LTBP1: variants seen among roughly 807,000 people sequenced by gnomAD.
The protein encoded by LTBP1 is latent transforming growth factor beta binding protein 1, also known as latent-transforming growth factor beta-binding protein 1.
LTBP1 carries 129 observed loss-of-function variants against 207.6 expected under a neutral mutation model. The observed-to-expected ratio is 0.62, with a 90% CI of 0.54 to 0.72. The LOEUF (loss-of-function observed/expected upper bound fraction) is 0.72, where lower values mean the gene tolerates loss of function less well. Among genes scored for constraint, LTBP1 ranks in the 30% least tolerant of loss-of-function variants. LTBP1 has a pLI of 0.00. For synonymous variants in LTBP1, 963 were observed against 833.7 expected (o/e 1.16, Z -2.67); for missense variants, 2,281 against 2,217.2 (o/e 1.03, Z -0.58).
intron 5 of LTBP1, among the ~76,000 whole-genome samples, chr2:33,142,562 A>G (rs1366687150): frequency 6.6e-6 from 1 of 152,088 alleles, no homozygotes; most frequent in Non-Finnish European, 1.5e-5. Context: ...AAGAAGGGCA[A>G]TAGGTTGACC....
chr2:33,369,456 G>T (rs1460721767), intron 31 of LTBP1, among the ~76,000 whole-genome samples: 1 of 152,202 alleles, frequency 6.6e-6, no homozygotes, highest in East Asian at 1.9e-4. Flanking sequence ...TTAGGCTCTT[G>T]AGGCCCCTGT....
At chr2:33,161,180 T>C (rs901407072) in intron 5 of LTBP1, among the ~76,000 whole-genome samples, 1 of 151,924 alleles carries the variant, frequency 6.6e-6, no homozygotes, top group Non-Finnish European at 1.5e-5. Flanking sequence ...ATAATAGCTA[T>C]AATACCCTGT....
At chr2:33,327,798 T>C (rs1034852754) in intron 24 of LTBP1, among the ~76,000 whole-genome samples, 1 of 152,106 alleles carries the variant, frequency 6.6e-6, no homozygotes, top group Non-Finnish European at 1.5e-5. Context: ...TGCAGCAGTG[T>C]GGATTATCTC....
intron 5 of LTBP1, among the ~76,000 whole-genome samples, chr2:33,148,255 A>G (rs1030202526): frequency 1.3e-5 from 2 of 152,236 alleles, no homozygotes; most frequent in Admixed American, 6.5e-5. Context: ...TGAGGATACC[A>G]TCTTTAATTT....
At chr2:33,372,672 G>A (rs2095083893) in intron 31 of LTBP1, among the ~76,000 whole-genome samples, 1 of 151,960 alleles carries the variant, frequency 6.6e-6, no homozygotes. Flanking sequence ...TCAGGAGTTT[G>A]AGACTGGCCT....
intron 3 of LTBP1, among the ~76,000 whole-genome samples, chr2:33,069,978 C>T (rs1393674653): frequency 6.6e-6 from 1 of 152,184 alleles, no homozygotes; most frequent in South Asian, 2.1e-4. Context: ...GATGTGACTT[C>T]ACCATTGCCC....
intron 20 of LTBP1, among the ~76,000 whole-genome samples, chr2:33,295,706 A>C (rs927501128): frequency 6.6e-6 from 1 of 151,978 alleles, no homozygotes; most frequent in East Asian, 1.9e-4. Context: ...TTACTTTTAC[A>C]TCTAAAAGTA....
At chr2:33,017,762 A>G (rs1165307005) in intron 2 of LTBP1, among the ~76,000 whole-genome samples, 9 of 152,250 alleles carry the variant, frequency 5.9e-5, no homozygotes, top group African/African-American at 2.2e-4. Context: ...GACTAAAGGC[A>G]CCCACCAGTA....
chr2:33,337,190 G>A (rs558737531), intron 24 of LTBP1, among the ~76,000 whole-genome samples: 6 of 152,276 alleles, frequency 3.9e-5, no homozygotes, highest in South Asian at 4.2e-4. Flanking sequence ...GCATGGGTTC[G>A]AGTTCTACTC....
At chr2:33,239,277 T>C (rs750665424) in intron 9 of LTBP1, among the ~76,000 whole-genome samples, 3 of 152,244 alleles carry the variant, frequency 2.0e-5, no homozygotes, top group Non-Finnish European at 4.4e-5. Context: ...ATTTCTTTCC[T>C]AGTTTCTGTT....
At chr2:33,181,023 G>A (rs1014531756) in intron 5 of LTBP1, among the ~76,000 whole-genome samples, 18 of 152,138 alleles carry the variant, frequency 1.2e-4, no homozygotes, top group African/African-American at 4.1e-4. Flanking sequence ...GGACAGATAC[G>A]GGTTTTCCTT....
At chr2:32,949,802 A>T (rs1034191696) in intron 2 of LTBP1, among the ~76,000 whole-genome samples, 2 of 152,200 alleles carry the variant, frequency 1.3e-5, no homozygotes, top group African/African-American at 4.8e-5. Context: ...ATACAGGTGG[A>T]TGAATTTTAA....
chr2:33,097,338 G>T (rs187447976), intron 3 of LTBP1, among the ~76,000 whole-genome samples: 64 of 152,150 alleles, frequency 4.2e-4, no homozygotes, highest in Non-Finnish European at 4.6e-4. Context: ...TAAAATAAAA[G>T]TCAATATGTA....
At chr2:33,052,748 G>A (rs219069) in intron 3 of LTBP1, among the ~76,000 whole-genome samples, 133,256 of 152,228 alleles carry the variant, frequency 0.88, 60,809 homozygotes, top group East Asian at 1. Flanking sequence ...TCGTTTAGTT[G>A]TAGTACCTTA....
At chr2:33,180,634 A>G (rs1427705374) in intron 5 of LTBP1, among the ~76,000 whole-genome samples, 1 of 151,764 alleles carries the variant, frequency 6.6e-6, no homozygotes, top group African/African-American at 2.4e-5. Context: ...GGGATGTTTT[A>G]AAGTAGAGAC....
At chr2:33,312,652 T>G (rs2094204890) in intron 23 of LTBP1, among the ~76,000 whole-genome samples, 1 of 152,060 alleles carries the variant, frequency 6.6e-6, no homozygotes, top group Admixed American at 6.6e-5. Flanking sequence ...GTTCCAAATA[T>G]TCATGTTGTT....
chr2:33,099,522 A>G (rs888034930), intron 3 of LTBP1, among the ~76,000 whole-genome samples: 1 of 152,192 alleles, frequency 6.6e-6, no homozygotes, highest in African/African-American at 2.4e-5. Context: ...GTGCTAGTTG[A>G]ACTCTGAAAG....
At chr2:33,181,511 G>C (rs4670849) in intron 5 of LTBP1, among the ~76,000 whole-genome samples, 2 of 151,934 alleles carry the variant, frequency 1.3e-5, no homozygotes, top group Non-Finnish European at 2.9e-5. Flanking sequence ...CAGTTGTACC[G>C]TGAGATACTT....
At chr2:33,158,866 T>A (rs536768115) in intron 5 of LTBP1, among the ~76,000 whole-genome samples, 7 of 152,222 alleles carry the variant, frequency 4.6e-5, no homozygotes, top group Non-Finnish European at 7.3e-5. Flanking sequence ...GTAGCTGTGA[T>A]GACAAAAAAG....
Sources: gnomAD v4.1 joint callset for allele counts (sites outside exome capture counted in the v4.1 genomes callset) on GRCh38, gnomAD v4.1.1 for gene constraint, MANE v1.5 for transcripts, NCBI Gene and HGNC (gene_info 2026-07-23, HGNC 2026-07-21) for gene names.